Variants in NXPE2 observed in about 807,000 individuals in gnomAD.
NXPE2 encodes the protein NXPE family member 2.
A neutral mutation model predicts 34.4 loss-of-function variants in NXPE2; 34 were observed. The observed-to-expected ratio is 0.99, with a 90% CI of 0.75 to 1.31. The LOEUF is 1.31. Ranked by LOEUF, NXPE2 falls within the 40% of genes most tolerant of loss-of-function variation. The pLI is 0.00. For missense variants in NXPE2, 649 were observed against 672.5 expected, an observed-to-expected ratio of 0.97 and a Z score of 0.39; for synonymous variants, 235 against 231.3, an observed-to-expected ratio of 1.02 and a Z score of -0.15.
chr11:114,635,171 T>A, the NXPE2 span, among the ~76,000 whole-genome samples: 1 of 150,292 alleles, frequency 6.7e-6, no homozygotes, highest in East Asian at 1.9e-4. Context: ...CCTTGAAGAG[T>A]TCCTTCACGT....
the NXPE2 span, among the ~76,000 whole-genome samples, chr11:114,588,058 C>T: frequency 6.6e-6 from 1 of 152,194 alleles, no homozygotes; most frequent in Non-Finnish European, 1.5e-5. Flanking sequence ...ATTGCACAAT[C>T]AGCTCAGCTC....
chr11:114,632,578 A>G, the NXPE2 span, among the ~76,000 whole-genome samples: 2 of 111,928 alleles, frequency 1.8e-5, no homozygotes, highest in Non-Finnish European at 3.3e-5. Flanking sequence ...CATATATCAT[A>G]TATTTATTGT....
the NXPE2 span, among the ~76,000 whole-genome samples, chr11:114,721,728 A>T: frequency 6.6e-6 from 1 of 152,174 alleles, no homozygotes; most frequent in Admixed American, 6.5e-5. Context: ...AGGTAGTAAA[A>T]TTATCCCATT....
the NXPE2 span, among the ~76,000 whole-genome samples, chr11:114,577,028 CATATATATATATAAAGTTATATATATAT>C: frequency 1.1e-3 from 104 of 95,010 alleles, 3 homozygotes; most frequent in African/African-American, 3.9e-3. Context: ...TATATATATA[CATATATATATATAAAGTTATATATATAT>C]ACATATATAT....
At chr11:114,617,374 T>C in the NXPE2 span, among the ~76,000 whole-genome samples, 3 of 152,116 alleles carry the variant, frequency 2.0e-5, no homozygotes, top group African/African-American at 7.2e-5. Flanking sequence ...TGGTAACCAC[T>C]GTTACCCGGT....
At chr11:114,618,291 T>G in the NXPE2 span, among the ~76,000 whole-genome samples, 1 of 151,972 alleles carries the variant, frequency 6.6e-6, no homozygotes, top group African/African-American at 2.4e-5. Context: ...ACCGCATGGG[T>G]AACCACTGTT....
the NXPE2 span, among the ~76,000 whole-genome samples, chr11:114,726,942 G>T: frequency 6.7e-6 from 1 of 149,190 alleles, no homozygotes; most frequent in Non-Finnish European, 1.5e-5. Context: ...TCTGGTCATC[G>T]TATTGTCTAA....
chr11:114,553,531 T>C, the NXPE2 span, among the ~76,000 whole-genome samples: 1 of 152,238 alleles, frequency 6.6e-6, no homozygotes, highest in Non-Finnish European at 1.5e-5. Flanking sequence ...GGAAATTTAT[T>C]AACCCCATCC....
chr11:114,794,111 G>T, the NXPE2 span, among the ~76,000 whole-genome samples: 1 of 152,036 alleles, frequency 6.6e-6, no homozygotes, highest in African/African-American at 2.4e-5. Context: ...ATCTAATTTA[G>T]CACTTCCTGC....
the NXPE2 span, among the ~76,000 whole-genome samples, chr11:114,748,106 T>C: frequency 3.9e-5 from 6 of 152,236 alleles, no homozygotes; most frequent in Non-Finnish European, 7.3e-5. Context: ...TCTTTCTTTT[T>C]GATCCACTCA....
the NXPE2 span, among the ~76,000 whole-genome samples, chr11:114,618,316 A>G: frequency 1.3e-5 from 2 of 152,074 alleles, no homozygotes; most frequent in African/African-American, 2.4e-5. Context: ...GTTGGATAAT[A>G]GGTATTGCTT....
chr11:114,574,813 A>G, the NXPE2 span, among the ~76,000 whole-genome samples: 1 of 152,140 alleles, frequency 6.6e-6, no homozygotes, highest in South Asian at 2.1e-4. Flanking sequence ...AGACAGAGAA[A>G]GAGGGAATCC....
At chr11:114,540,400 TTAAG>T in the NXPE2 span, among the ~76,000 whole-genome samples, 7 of 152,112 alleles carry the variant, frequency 4.6e-5, no homozygotes, top group African/African-American at 1.7e-4. Context: ...AATGAAAAAA[TTAAG>T]TATGTAAATT....
chr11:114,678,848 GTA>G (rs935423338), intron 1 of NXPE2, among the ~76,000 whole-genome samples: 1 of 151,136 alleles, frequency 6.6e-6, no homozygotes, highest in African/African-American at 2.4e-5. Flanking sequence ...TTTGGGGCGT[GTA>G]TGTGTGTGTG....
chr11:114,530,270 C>T, the NXPE2 span: 1 of 1,614,170 alleles, frequency 6.2e-7, no homozygotes, highest in Non-Finnish European at 8.5e-7. Flanking sequence ...TGTGTTGAGG[C>T]TTCATACAAT....
At chr11:114,681,108 C>T (rs1175860499) in intron 2 of NXPE2, among the ~76,000 whole-genome samples, 2 of 152,180 alleles carry the variant, frequency 1.3e-5, no homozygotes, top group African/African-American at 2.4e-5. Context: ...TCCAAAATGT[C>T]TCTCAAGTCT....
At chr11:114,786,298 TAG>T in the NXPE2 span, among the ~76,000 whole-genome samples, 1 of 151,836 alleles carries the variant, frequency 6.6e-6, no homozygotes, top group African/African-American at 2.4e-5. Flanking sequence ...AACTGAGGAT[TAG>T]AGAGGAGAAG....
the NXPE2 span, among the ~76,000 whole-genome samples, chr11:114,602,012 TTATA>T: frequency 1.1e-5 from 1 of 90,868 alleles, no homozygotes; most frequent in African/African-American, 4.5e-5. Context: ...ATGTATTATA[TTATA>T]TATAATATAT....
At chr11:114,633,388 A>G in the NXPE2 span, among the ~76,000 whole-genome samples, 8 of 144,386 alleles carry the variant, frequency 5.5e-5, no homozygotes, top group Non-Finnish European at 9.0e-5. Flanking sequence ...GTATTATATT[A>G]TATATTATAT....
Sources: gnomAD v4.1 joint callset for allele counts (sites outside exome capture counted in the v4.1 genomes callset) on GRCh38, gnomAD v4.1.1 for gene constraint, MANE v1.5 for transcripts, NCBI Gene and HGNC (gene_info 2026-07-23, HGNC 2026-07-21) for gene names.